Variants in TGDS observed in about 807,000 individuals in gnomAD.
TGDS encodes UDP-D-glucose 4,6-dehydratase.
TGDS carries 47 observed loss-of-function variants against 52.3 expected under a neutral mutation model. The observed-to-expected ratio is 0.90, with a 90% CI of 0.71 to 1.15. TGDS has a LOEUF of 1.15. TGDS is among the 50% of genes most tolerant of loss of function. TGDS has a pLI of 0.00. For missense variants in TGDS, 375 were observed against 418.4 expected (o/e 0.90, Z 0.90); for synonymous variants, 115 against 136.9 (o/e 0.84, Z 1.12).
At chr13:94,594,094 T>G (rs1889294469) in intron 1 of TGDS, among the ~76,000 whole-genome samples, 187 bp from the exon 2 acceptor site, 1 of 152,204 alleles carries the variant, frequency 6.6e-6, no homozygotes, top group African/African-American at 2.4e-5. Flanking sequence ...CTCAACAGTA[T>G]CTATAAACAA....
intron 10 of TGDS, among the ~76,000 whole-genome samples, chr13:94,576,884 C>T (rs1888620305): frequency 6.6e-6 from 1 of 152,066 alleles, no homozygotes; most frequent in Admixed American, 6.6e-5. Flanking sequence ...GGGCGGATCA[C>T]GAGGTTAAGA....
chr13:94,574,916 ACCAACCTTTAC>A, intron 11 of TGDS, 64 bp from the exon 12 acceptor site: 2 of 1,019,192 alleles, frequency 2.0e-6, no homozygotes, highest in Non-Finnish European at 2.9e-6. Context: ...ACATCAGTTA[ACCAACCTTTAC>A]TGAGTTCCTG....
intron 3 of TGDS, among the ~76,000 whole-genome samples, chr13:94,591,190 A>C (rs1889191030): frequency 6.6e-6 from 1 of 152,258 alleles, no homozygotes; most frequent in Non-Finnish European, 1.5e-5. Flanking sequence ...ACTAAGTACC[A>C]TGCTAGTGTT....
In TGDS at chr13:94,578,826, A is replaced by T. The variant is rs1218887243; in HGVS notation, c.616-53T>A. ...GACTGGATATTTACTCATTAGTATG[A>T]ATCTGAACTCATACCAAAATTAAAA... On this transcript the variant is annotated intron_variant, in intron 7 of 11. Coordinates refer to ENST00000261296, the MANE Select transcript of TGDS (RefSeq NM_014305.4). 11 of 1,110,840 alleles carry T rather than the reference A, an allele frequency of 9.9e-6. No individual in the cohort carries two copies. In the East Asian group the frequency reaches 2.2e-4, roughly 22 times the overall value. 68.8% of individuals were successfully genotyped at this position (1,110,840 alleles called of 1,614,324 possible).
intron 6 of TGDS, 43 bp downstream of exon 6, chr13:94,581,048 T>C (rs775383900): frequency 1.7e-6 from 2 of 1,200,614 alleles, no homozygotes; most frequent in African/African-American, 1.5e-5. Context: ...AACACTTAAG[T>C]CCAAAGGAAA....
chr13:94,586,729 G>A (rs866658143), intron 4 of TGDS, among the ~76,000 whole-genome samples: 12 of 149,106 alleles, frequency 8.0e-5, no homozygotes, highest in African/African-American at 2.2e-4. Context: ...AGTAACCCAC[G>A]GATGAGAGAA....
At chr13:94,575,629 T>C (rs1019477358) in intron 11 of TGDS, among the ~76,000 whole-genome samples, 4 of 152,202 alleles carry the variant, frequency 2.6e-5, no homozygotes, top group African/African-American at 7.2e-5. Flanking sequence ...TATATTGCTA[T>C]ACTATCAGTA....
At chr13:94,587,763 T>C (rs982229316) in intron 4 of TGDS, among the ~76,000 whole-genome samples, 5 of 152,080 alleles carry the variant, frequency 3.3e-5, no homozygotes, top group African/African-American at 1.2e-4. Flanking sequence ...TTTGGGAGGC[T>C]GAGGCGGGTG....
intron 4 of TGDS, among the ~76,000 whole-genome samples, chr13:94,588,694 G>T (rs1226575272): frequency 6.6e-6 from 1 of 152,156 alleles, no homozygotes; most frequent in African/African-American, 2.4e-5. Flanking sequence ...AATTGACACA[G>T]CAAGTGTTGG....
chr13:94,576,124 G>A (rs76687266), intron 11 of TGDS, among the ~76,000 whole-genome samples, 190 bp downstream of exon 11: 2,308 of 152,268 alleles, frequency 0.015, 74 homozygotes, highest in African/African-American at 0.053. Flanking sequence ...ATTGATCAGA[G>A]GTTGGTTTAT....
At chr13:94,577,902 T>C in intron 9 of TGDS, 103 bp downstream of exon 9, 6 of 1,158,278 alleles carry the variant, frequency 5.2e-6, no homozygotes, top group Non-Finnish European at 7.2e-6. Context: ...CATTTTCTAC[T>C]TGCTTACTTT....
chr13:94,594,123 A>G (rs1314609454), intron 1 of TGDS, among the ~76,000 whole-genome samples: 4 of 152,242 alleles, frequency 2.6e-5, no homozygotes, highest in Non-Finnish European at 5.9e-5. Context: ...CATTCCATTT[A>G]GACTATGCAG....
Position 94,574,860 on chromosome 13 carries a change from G to GA in TGDS, c.983-9dup. On this transcript the variant is annotated splice_polypyrimidine_tract_variant and intron_variant, in intron 11 of 11. Coordinates refer to ENST00000261296, the MANE Select transcript of TGDS (RefSeq NM_014305.4). ...TCTCTCTGTACCATTCAACTAATAG[G>GA]AAAAAACAAAAGACAAAAAAAAAAA... 2 of 1,404,898 alleles carry GA rather than the reference G, an allele frequency of 1.4e-6. No individual in the cohort carries two copies. The highest frequency in any genetic ancestry group is 1.9e-6 in the Non-Finnish European group (2 of 1,056,044). 87.0% of individuals were successfully genotyped at this position (1,404,898 alleles called of 1,614,324 possible).
chr13:94,579,522 G>C (rs1245398380), intron 7 of TGDS: 1 of 158,970 alleles, frequency 6.3e-6, no homozygotes, highest in Non-Finnish European at 1.4e-5. Context: ...TTGACTTTCT[G>C]TATACGCTGA....
At chr13:94,593,958 C>G in intron 1 of TGDS, 51 bp from the exon 2 acceptor site, 7 of 1,154,716 alleles carry the variant, frequency 6.1e-6, no homozygotes, top group Non-Finnish European at 8.7e-6. Context: ...CTTCCCTAAA[C>G]TCTTGAATAT....
chr13:94,596,198 C>G (rs983228261), upstream of TGDS: 1 of 1,548,080 alleles, frequency 6.5e-7, no homozygotes, highest in Non-Finnish European at 8.8e-7. Context: ...AGGGAAGTTC[C>G]GCCGCGACCT....
At chr13:94,577,296 A>C (rs1888635942) in intron 10 of TGDS, 75 bp downstream of exon 10, 1 of 1,163,718 alleles carries the variant, frequency 8.6e-7, no homozygotes, top group Admixed American at 2.7e-5. Flanking sequence ...TTATTGGTCA[A>C]GTCCACATAT....
intron 9 of TGDS, 83 bp downstream of exon 9, chr13:94,577,922 T>A: frequency 7.4e-7 from 1 of 1,343,436 alleles, no homozygotes; most frequent in Non-Finnish European, 1.0e-6. Context: ...TTAAATTAAG[T>A]AAGCTGTATG....
At chr13:94,578,268 TG>T (rs1888671483) in intron 8 of TGDS, 98 bp from the exon 9 acceptor site, 2 of 1,103,782 alleles carry the variant, frequency 1.8e-6, no homozygotes, top group South Asian at 1.5e-5. Flanking sequence ...CTAATTCCCA[TG>T]GGGATCCCAG....
Sources: allele counts gnomAD v4.1 joint callset (sites outside exome capture counted in the v4.1 genomes callset), GRCh38; gene constraint gnomAD v4.1.1; transcripts MANE v1.5; gene names NCBI Gene and HGNC (gene_info 2026-07-23, HGNC 2026-07-21).